Variants in LPP observed in about 807,000 individuals in gnomAD.
LPP encodes the protein lipoma-preferred partner.
A neutral mutation model predicts 60.4 loss-of-function variants in LPP; 38 were observed. The ratio of observed to expected loss-of-function variants is 0.63; its 90% confidence interval spans 0.49 to 0.83. The LOEUF is 0.83. Among genes scored for constraint, LPP ranks in the 40% least tolerant of loss-of-function variants. LPP has a pLI of 0.00. For missense variants in LPP, 902 were observed against 783.6 expected (o/e 1.15, Z -1.80); for synonymous variants, 328 against 290.8 (o/e 1.13, Z -1.30).
intron 9 of LPP, among the ~76,000 whole-genome samples, chr3:188,776,952 C>G (rs1737998272): frequency 6.6e-6 from 1 of 152,076 alleles, no homozygotes; most frequent in African/African-American, 2.4e-5. Context: ...AATGATTAGA[C>G]ATTTCCAGGA....
At chr3:188,529,555 T>C (rs1291339208) in intron 6 of LPP, among the ~76,000 whole-genome samples, 3 of 152,112 alleles carry the variant, frequency 2.0e-5, no homozygotes, top group Admixed American at 6.5e-5. Context: ...GTCTGAAAAA[T>C]GTGAGCTCTT....
intron 4 of LPP, among the ~76,000 whole-genome samples, chr3:188,482,726 G>T (rs1312254538): frequency 6.6e-6 from 1 of 152,154 alleles, no homozygotes; most frequent in African/African-American, 2.4e-5. Flanking sequence ...ATTTATAATT[G>T]TCATAAGGAT....
At chr3:188,616,850 T>C (rs1312174084) in intron 7 of LPP, among the ~76,000 whole-genome samples, 1 of 152,194 alleles carries the variant, frequency 6.6e-6, no homozygotes, top group East Asian at 1.9e-4. Context: ...TGGATGCTAT[T>C]GTAAATGGTA....
chr3:188,696,083 C>A (rs970193390), intron 7 of LPP, among the ~76,000 whole-genome samples: 1 of 152,048 alleles, frequency 6.6e-6, no homozygotes, highest in African/African-American at 2.4e-5. Flanking sequence ...GTGTTGCACC[C>A]AAGTATCTTT....
At chr3:188,397,548 C>T (rs376098275) in intron 3 of LPP, among the ~76,000 whole-genome samples, 9 of 151,968 alleles carry the variant, frequency 5.9e-5, no homozygotes, top group Non-Finnish European at 8.8e-5. Flanking sequence ...GTTTCCTTTT[C>T]GAGTGCCGTT....
chr3:188,166,214 T>G (rs1270550511), intron 1 of LPP, among the ~76,000 whole-genome samples: 1 of 152,138 alleles, frequency 6.6e-6, no homozygotes, highest in East Asian at 1.9e-4. Context: ...ATTTAATTCC[T>G]GGGAAAAGAG....
At chr3:188,511,062 C>T (rs1815345378) in intron 5 of LPP, among the ~76,000 whole-genome samples, 2 of 142,248 alleles carry the variant, frequency 1.4e-5, no homozygotes, top group African/African-American at 5.2e-5. Context: ...CCTCTCCCTC[C>T]TTTCCTTTCT....
Position 188,882,546 on chromosome 3 carries a change from G to T in LPP, c.*8067G>T, listed in dbSNP as rs778745775. 3.6e-5 allele frequency: 8 copies of T among 222,932 alleles called. No individual in the cohort carries two copies. The highest frequency in any genetic ancestry group is 1.1e-4 in the Admixed American group (2 of 17,424). The allele number at this position is 222,932 out of a possible 1,614,324, so 13.8% of individuals were successfully genotyped here. A position where few individuals can be genotyped will look rare whatever the true frequency, so the allele number is the denominator to read the frequency against. On this transcript the variant is annotated 3_prime_UTR_variant, in exon 12 of 12. Transcript: ENST00000617246. The stretch of plus-strand genomic sequence containing the variant: ...CATGAACTTTATTATCACAGAATAT[G>T]AGCATTCTTATTGATCCACAGCTAC...
chr3:188,495,579 T>C (rs753177753), intron 5 of LPP, among the ~76,000 whole-genome samples: 32 of 152,314 alleles, frequency 2.1e-4, no homozygotes, highest in South Asian at 2.1e-4. Flanking sequence ...CAATAATATA[T>C]GTTGATGTTT....
intron 9 of LPP, among the ~76,000 whole-genome samples, chr3:188,793,397 G>A (rs1744409747): frequency 6.6e-6 from 1 of 151,962 alleles, no homozygotes; most frequent in African/African-American, 2.4e-5. Context: ...GGAGAGACTG[G>A]TCTTGAACTC....
chr3:188,871,711 A>C (rs1394267013), intron 10 of LPP, among the ~76,000 whole-genome samples: 1 of 152,158 alleles, frequency 6.6e-6, no homozygotes, highest in Non-Finnish European at 1.5e-5. Context: ...GTCCATTTCA[A>C]ATAATATGTC....
At chr3:188,661,631 T>C (rs1156314708) in intron 7 of LPP, among the ~76,000 whole-genome samples, 1 of 152,226 alleles carries the variant, frequency 6.6e-6, no homozygotes, top group Non-Finnish European at 1.5e-5. Context: ...TTTTAATGGT[T>C]GTTTTTCTTA....
rs930609605 is a variant in LPP, at chr3:188,579,509, A to G, written c.430-29652A>G. 3.9e-5 allele frequency among the ~76,000 whole-genome samples: 6 copies of G among 152,250 alleles called. No homozygotes were observed. In the South Asian group the frequency reaches 1.0e-3, roughly 26 times the overall value. On this transcript the variant is annotated intron_variant, in intron 6 of 11. Coordinates refer to ENST00000617246, the MANE Select transcript of LPP (RefSeq NM_001375462.1). The stretch of plus-strand genomic sequence containing the variant: ...TTATTTCAAAACAGAAAGATCATAC[A>G]TGTTCATCATGTTTCTGTGTTAACT...
At chr3:188,639,723 T>A (rs1849645785) in intron 7 of LPP, among the ~76,000 whole-genome samples, 2 of 151,804 alleles carry the variant, frequency 1.3e-5, no homozygotes, top group African/African-American at 4.8e-5. Flanking sequence ...AACAGACACT[T>A]CTCAAAAGAA....
intron 8 of LPP, among the ~76,000 whole-genome samples, chr3:188,715,012 C>T (rs1354333131): frequency 1.3e-5 from 2 of 152,092 alleles, no homozygotes; most frequent in Admixed American, 6.5e-5. Flanking sequence ...CAAGTGCTTG[C>T]ATTTTAGAGC....
chr3:188,839,376 A>G (rs2151708299), intron 9 of LPP, among the ~76,000 whole-genome samples: 1 of 152,342 alleles, frequency 6.6e-6, no homozygotes, highest in Middle Eastern at 3.4e-3. Flanking sequence ...CAACAAGGAT[A>G]ACTGATGTTT....
intron 4 of LPP, among the ~76,000 whole-genome samples, chr3:188,438,889 T>A (rs1793045660): frequency 6.6e-6 from 1 of 152,142 alleles, no homozygotes; most frequent in South Asian, 2.1e-4. Context: ...TGATTTAAAG[T>A]TTAAAACAAG....
intron 3 of LPP, among the ~76,000 whole-genome samples, chr3:188,397,874 A>C (rs973563165): frequency 2.0e-5 from 3 of 152,258 alleles, no homozygotes; most frequent in African/African-American, 7.2e-5. Flanking sequence ...TCGGCCTCCC[A>C]AAGTGCTGGG....
intron 2 of LPP, among the ~76,000 whole-genome samples, chr3:188,330,061 C>T (rs1759569201): frequency 6.6e-6 from 1 of 152,154 alleles, no homozygotes; most frequent in South Asian, 2.1e-4. Context: ...CTGTCTCCTC[C>T]CCTTTCCTTC....
Sources: allele counts gnomAD v4.1 joint callset (sites outside exome capture counted in the v4.1 genomes callset), GRCh38; gene constraint gnomAD v4.1.1; transcripts MANE v1.5; gene names NCBI Gene and HGNC (gene_info 2026-07-23, HGNC 2026-07-21).